FAM169A: variants seen among roughly 807,000 people sequenced by gnomAD.
The protein encoded by FAM169A is soluble lamin-associated protein of 75 kDa.
FAM169A carries 24 observed loss-of-function variants against 75.7 expected under a neutral mutation model. The ratio of observed to expected loss-of-function variants is 0.32; its 90% CI spans 0.23 to 0.45. FAM169A has a LOEUF of 0.45. Ranked by LOEUF, FAM169A falls within the 20% of genes least tolerant of loss-of-function variation. The pLI, the probability that FAM169A is intolerant of heterozygous loss-of-function variation, is 1.00. For synonymous variants in FAM169A, 271 were observed against 271.0 expected (o/e 1.00, Z 0.00); for missense variants, 673 against 784.0 (o/e 0.86, Z 1.69).
At chr5:74,860,371 G>A (rs1172678826) in intron 1 of FAM169A, among the ~76,000 whole-genome samples, 1 of 152,156 alleles carries the variant, frequency 6.6e-6, no homozygotes, top group Non-Finnish European at 1.5e-5. Context: ...CAAACTCACT[G>A]ACTTTTTCTC....
At position 74,806,481 on chromosome 5, in the gene FAM169A, A is replaced by G. The variant is rs995917331; in HGVS notation, c.671-1197T>C. 5.4e-5 allele frequency among the ~76,000 whole-genome samples: 7 copies of G among 129,256 alleles called. No homozygotes were observed. The East Asian group carries it at 1.4e-3, about 26-fold the overall frequency. 84.8% of individuals were successfully genotyped at this position (129,256 alleles called of 152,430 possible). ...ATACCTCTAGGACATTAGGGTTCAG[A>G]TGGATTCCTTACAAAGACACAAAAA... On this transcript the variant is annotated intron_variant, in intron 6 of 12. Coordinates refer to ENST00000687041, the MANE Select transcript of FAM169A (RefSeq NM_001376049.1).
chr5:74,789,895 C>T (rs1745887549), intron 11 of FAM169A, among the ~76,000 whole-genome samples: 4 of 152,338 alleles, frequency 2.6e-5, no homozygotes, highest in Admixed American at 1.3e-4. Context: ...TGGCCTGTTA[C>T]TGGGCTTTGG....
intron 1 of FAM169A, among the ~76,000 whole-genome samples, chr5:74,859,324 C>A (rs560405092): frequency 9.9e-4 from 116 of 117,386 alleles, no homozygotes; most frequent in Middle Eastern, 7.9e-3. Context: ...GAGTCTTGCT[C>A]TGTCACCCAG....
chr5:74,781,971 T>C lies in FAM169A; in HGVS notation c.1502A>G (p.Glu501Gly). Reference sequence around the variant, plus strand: ...GTGCCCCTTTTCATCAGATGTGCCTTCATCCATCAACATTTCTGAGTCAGG... The same window carrying C: ...GTGCCCCTTTTCATCAGATGTGCCTCCATCCATCAACATTTCTGAGTCAGG... The part of the protein sequence containing the change: ...RIPDSEMLMD[E>G]GTSDEKGHME... The change falls in exon 13 of 13, where the codon GAA becomes GGA. Residue 501 changes from glutamate (E) to glycine (G), a missense_variant. Around this residue, in one of 3 missense-constraint regions of FAM169A, gnomAD observed 510 missense variants for 550.9 expected, o/e 0.93. Transcript: ENST00000687041. 1 of 1,613,504 alleles carries C rather than the reference T, an allele frequency of 6.2e-7. No homozygotes were observed. The highest frequency in any genetic ancestry group is 2.2e-5 in the East Asian group (1 of 44,878).
chr5:74,788,482 T>G (rs1295511449), intron 11 of FAM169A, among the ~76,000 whole-genome samples: 1 of 151,906 alleles, frequency 6.6e-6, no homozygotes, highest in African/African-American at 2.4e-5. Context: ...AAGGCGGGCG[T>G]ATCACCTGAG....
At chr5:74,803,482 A>G (rs1746693985) in intron 8 of FAM169A, among the ~76,000 whole-genome samples, 1 of 152,158 alleles carries the variant, frequency 6.6e-6, no homozygotes, top group South Asian at 2.1e-4. Context: ...ATAAGCACAA[A>G]TAATTCCCTA....
At position 74,781,625 on chromosome 5, in the gene FAM169A, T is replaced by A; in HGVS notation, c.1848A>T (p.Glu616Asp). The A allele has an allele frequency of 6.2e-7, 1 of 1,614,198 alleles. No homozygotes were observed. Among genetic ancestry groups the A allele is most frequent in the Non-Finnish European group, 8.5e-7 (1 of 1,180,020 alleles). ...GQKNQSEEQS[E>D]ASSEQLDQFT... ...ACTGATCCAGTTGCTCGGAAGATGC[T>A]TCAGACTGCTCCTCTGACTGATTCT... Residue 616 changes from glutamate to aspartate, a missense_variant, in exon 13 of 13, where the codon GAA becomes GAT. This residue lies in a region of FAM169A where 510 missense variants were observed against 550.9 expected (regional missense o/e 0.93). Transcript: ENST00000687041.
At position 74,834,430 on chromosome 5, in the gene FAM169A, AGGCT is replaced by A; in HGVS notation, c.482_485del (p.Lys161IlefsTer24). The A allele has an allele frequency of 6.7e-7, 1 of 1,494,864 alleles. No homozygotes were observed. Among genetic ancestry groups the A allele is most frequent in the Non-Finnish European group, 9.0e-7 (1 of 1,117,090 alleles). 92.6% of individuals were successfully genotyped at this position (1,494,864 alleles called of 1,614,324 possible). On this transcript the variant is annotated frameshift_variant, in exon 5 of 13. Coordinates refer to ENST00000687041, the MANE Select transcript of FAM169A (RefSeq NM_001376049.1). LOFTEE classifies it high-confidence loss of function. Reference sequence around the variant, plus strand: ...AAATAACTTTTAAAGACTCACCTGTAGGCTTAACTGAATAAAACCCAATGGCCTC... The same window carrying A: ...AAATAACTTTTAAAGACTCACCTGTATAACTGAATAAAACCCAATGGCCTC...
chr5:74,792,521 G>C (rs1012684364), intron 11 of FAM169A, among the ~76,000 whole-genome samples: 6 of 131,656 alleles, frequency 4.6e-5, no homozygotes, highest in Non-Finnish European at 9.2e-5. Context: ...TGGCTTCCTT[G>C]CTTCCTTGCT....
intron 5 of FAM169A, among the ~76,000 whole-genome samples, chr5:74,830,309 A>C (rs1475933948): frequency 6.6e-6 from 1 of 152,200 alleles, no homozygotes; most frequent in Non-Finnish European, 1.5e-5. Context: ...AATGTCGAAC[A>C]TGATGTGCTC....
chr5:74,857,062 T>C (rs559085280), intron 1 of FAM169A, among the ~76,000 whole-genome samples: 2 of 126,596 alleles, frequency 1.6e-5, no homozygotes, highest in East Asian at 2.3e-4. Context: ...TGAGCCGAGA[T>C]AGCACCACTG....
At chr5:74,819,213 G>A (rs1167424307) in intron 5 of FAM169A, among the ~76,000 whole-genome samples, 11 of 145,432 alleles carry the variant, frequency 7.6e-5, no homozygotes, top group African/African-American at 2.8e-4. Flanking sequence ...AGCAAAACTC[G>A]TCTCAAAGAA....
intron 1 of FAM169A, among the ~76,000 whole-genome samples, chr5:74,864,001 T>C (rs1363397052): frequency 6.6e-6 from 1 of 152,172 alleles, no homozygotes; most frequent in East Asian, 1.9e-4. Context: ...ATGTCCAAGG[T>C]TCTTCTCGCC....
At chr5:74,862,689 G>A (rs1750099399) in intron 1 of FAM169A, among the ~76,000 whole-genome samples, 1 of 152,102 alleles carries the variant, frequency 6.6e-6, no homozygotes, top group Admixed American at 6.5e-5. Context: ...AAGGACTACT[G>A]GAATGAATTT....
chr5:74,808,119 G>C (rs1045369540), intron 6 of FAM169A, among the ~76,000 whole-genome samples: 1 of 152,074 alleles, frequency 6.6e-6, no homozygotes, highest in African/African-American at 2.4e-5. Context: ...TTCATCCTCA[G>C]GTATACATTC....
At position 74,841,589 on chromosome 5, in the gene FAM169A, C is replaced by T. The variant is rs777637953; in HGVS notation, c.88G>A (p.Gly30Arg). The change falls in exon 2 of 13, where the codon GGG (glycine) becomes AGG (arginine). Residue 30 changes from glycine (G) to arginine (R), a missense_variant. Gly to Arg is a moderately radical substitution (Grantham distance 125). Transcript: ENST00000687041. ...AAACACTCTGGATTTTCAGGGTCCC[C>T]ACACCTTAAATCTGACATGTAATCT... ...AEDYMSDLRC[G>R]DPENPECFSL... 6.2e-6 allele frequency: 10 copies of T among 1,613,114 alleles called. No individual in the cohort carries two copies. In the East Asian group the frequency reaches 8.9e-5, roughly 14 times the overall value.
At chr5:74,821,436 A>G (rs1312634964) in intron 5 of FAM169A, among the ~76,000 whole-genome samples, 2 of 152,194 alleles carry the variant, frequency 1.3e-5, no homozygotes, top group African/African-American at 4.8e-5. Context: ...TCTCCCCTTA[A>G]AACTTAACAC....
At chr5:74,831,807 T>A (rs1748325106) in intron 5 of FAM169A, among the ~76,000 whole-genome samples, 1 of 152,128 alleles carries the variant, frequency 6.6e-6, no homozygotes, top group African/African-American at 2.4e-5. Flanking sequence ...GCTTCCTCCC[T>A]AGAGCTTAAG....
rs1250589563 is a variant in FAM169A at position 74,805,149 on chromosome 5, C to T, written c.799+7G>A. On this transcript the variant is annotated splice_region_variant and intron_variant, in intron 7 of 12. Transcript: ENST00000687041. The stretch of plus-strand genomic sequence containing the variant: ...TGAACTTATGTTCAAACTGAAAACA[C>T]TCTTACCTAGAATTTTAAGTGCTTC... 1.9e-6 allele frequency: 3 copies of T among 1,613,252 alleles called. No individual in the cohort carries two copies. The highest frequency in any genetic ancestry group is 4.5e-5 in the East Asian group (2 of 44,876).
Sources: gnomAD v4.1 joint callset for allele counts (sites outside exome capture counted in the v4.1 genomes callset) on GRCh38, gnomAD v4.1.1 for gene constraint, gnomAD v4.1.1 regional missense constraint, MANE v1.5 for transcripts, NCBI Gene and HGNC (gene_info 2026-07-23, HGNC 2026-07-21) for gene names.